CDKL5: variants seen among roughly 807,000 people sequenced by gnomAD.
CDKL5 encodes cyclin dependent kinase like 5.
A neutral mutation model predicts 61.7 loss-of-function variants in CDKL5; 8 were observed. The observed-to-expected ratio is 0.13, with a 90% CI of 0.08 to 0.23. CDKL5 has a LOEUF of 0.23. Among genes scored for constraint, CDKL5 ranks in the 10% least tolerant of loss-of-function variants. CDKL5 has a pLI of 1.00. For synonymous variants in CDKL5, 275 were observed against 272.3 expected, an observed-to-expected ratio of 1.01 and a Z score of -0.10; for missense variants, 440 against 734.5, an observed-to-expected ratio of 0.60 and a Z score of 4.63.
chrX:18,458,917 A>G (rs1932212504), intron 1 of CDKL5, among the ~76,000 whole-genome samples: 1 of 111,514 alleles, frequency 9.0e-6, no homozygotes, highest in African/African-American at 3.3e-5. Flanking sequence ...GGAGGGTTGG[A>G]AAAGCTTTGG....
chrX:18,584,125 TTAA>T (rs1361750369), intron 7 of CDKL5, 135 bp from the exon 8 acceptor site: 11 of 509,441 alleles, frequency 2.2e-5, no homozygotes, highest in African/African-American at 2.1e-4. Context: ...AAGGATATTA[TTAA>T]TAAATAGCCC....
intron 1 of CDKL5, among the ~76,000 whole-genome samples, chrX:18,437,881 G>A (rs1371752917): frequency 1.8e-5 from 2 of 111,803 alleles, no homozygotes; most frequent in Admixed American, 1.9e-4. Context: ...GATTGTGTGA[G>A]CATTCATTCA....
chrX:18,584,408 C>T, intron 8 of CDKL5, 55 bp downstream of exon 8: 1 of 799,582 alleles, frequency 1.3e-6, no homozygotes, highest in Non-Finnish European at 1.9e-6. Context: ...ATTCTATTGT[C>T]ATTTGCTTTG....
At chrX:18,525,041 G>A (rs1923380112) in intron 3 of CDKL5, among the ~76,000 whole-genome samples, 1 of 111,433 alleles carries the variant, frequency 9.0e-6, no homozygotes, top group African/African-American at 3.3e-5. Context: ...TCCCATCTCA[G>A]TCTCCTAAGT....
At chrX:18,550,583 T>TAAGA (rs1806057567) in intron 3 of CDKL5, among the ~76,000 whole-genome samples, 1 of 112,193 alleles carries the variant, frequency 8.9e-6, no homozygotes, top group Non-Finnish European at 1.9e-5. Context: ...CAAGATAGTC[T>TAAGA]TTGAGGATAT....
intron 3 of CDKL5, among the ~76,000 whole-genome samples, chrX:18,533,028 GAATT>G (rs1282212187): frequency 9.0e-6 from 1 of 111,124 alleles, no homozygotes; most frequent in African/African-American, 3.3e-5. Flanking sequence ...TTGTCTTTGA[GAATT>G]AAATATATTT....
intron 3 of CDKL5, among the ~76,000 whole-genome samples, chrX:18,548,697 T>A (rs1040059481): frequency 6.2e-5 from 7 of 112,166 alleles, no homozygotes; most frequent in African/African-American, 2.3e-4. Context: ...AGGGAGTTTC[T>A]GTGTTTCTGT....
chrX:18,652,424 T>C (rs1216722168), intron 21 of CDKL5, among the ~76,000 whole-genome samples: 1 of 112,192 alleles, frequency 8.9e-6, no homozygotes, highest in Non-Finnish European at 1.9e-5. Context: ...ATCCCAGCAC[T>C]TTGGGAGGCC....
At chrX:18,467,890 C>T (rs1179564945) in intron 1 of CDKL5, among the ~76,000 whole-genome samples, 3 of 110,889 alleles carry the variant, frequency 2.7e-5, no homozygotes, top group Non-Finnish European at 5.7e-5. Context: ...TCTTTCACTG[C>T]GGTTTACATG....
intron 21 of CDKL5, among the ~76,000 whole-genome samples, chrX:18,652,489 T>G (rs1400092123): frequency 9.0e-6 from 1 of 111,438 alleles, no homozygotes; most frequent in Non-Finnish European, 1.9e-5. Context: ...GCCAACACGG[T>G]GAAACCCCAT....
intron 3 of CDKL5, among the ~76,000 whole-genome samples, chrX:18,515,090 G>A (rs141171072): frequency 3.2e-3 from 365 of 112,586 alleles, no homozygotes; most frequent in Non-Finnish European, 5.5e-3. Flanking sequence ...GTGAGCCACC[G>A]CGCCCAGCCT....
At chrX:18,615,717 G>A (rs1219558260) in intron 15 of CDKL5, among the ~76,000 whole-genome samples, 5 of 112,132 alleles carry the variant, frequency 4.5e-5, no homozygotes, top group Admixed American at 9.5e-5. Flanking sequence ...GTGCCTGGCC[G>A]TGAATTGCTA....
intron 3 of CDKL5, among the ~76,000 whole-genome samples, chrX:18,527,686 A>G (rs1264396386): frequency 9.1e-6 from 1 of 110,039 alleles, no homozygotes; most frequent in Non-Finnish European, 1.9e-5. Context: ...TTTTGTTTTT[A>G]CTGTTGATTG....
chrX:18,437,624 T>C (rs1931637848), intron 1 of CDKL5, among the ~76,000 whole-genome samples: 1 of 112,428 alleles, frequency 8.9e-6, no homozygotes, highest in African/African-American at 3.2e-5. Context: ...GTTACTATTG[T>C]ATAGGAGCAC....
chrX:18,509,192 A>AACACACACAC lies in CDKL5; in HGVS notation c.65-1624_65-1623insACACACACAC, dbSNP rs1183838846. Reference sequence around the variant, plus strand: ...TGATGAGAGAGCGAGACTGTCTCAAAACACGCACACACACACACACACACA... The same window carrying AACACACACAC: ...TGATGAGAGAGCGAGACTGTCTCAAAACACACACACACACGCACACACACACACACACACA... On this transcript the variant is annotated intron_variant, in intron 2 of 17. Transcript: ENST00000623535. 5.3e-4 allele frequency among the ~76,000 whole-genome samples: 24 copies of AACACACACAC among 45,011 alleles called. 1 individual carries two copies. Among genetic ancestry groups the AACACACACAC allele is most frequent in the Non-Finnish European group, 8.0e-4 (20 of 24,947 alleles). The allele number at this position is 45,011 out of a possible 115,157, so 39.1% of individuals were successfully genotyped here.
At chrX:18,447,603 A>C (rs941590801) in intron 1 of CDKL5, among the ~76,000 whole-genome samples, 1 of 110,622 alleles carries the variant, frequency 9.0e-6, no homozygotes, top group East Asian at 2.9e-4. Flanking sequence ...GTTAATCACT[A>C]TCCCCTTGAA....
At chrX:18,432,628 C>T (rs1413161819) in intron 1 of CDKL5, among the ~76,000 whole-genome samples, 3 of 98,380 alleles carry the variant, frequency 3.0e-5, no homozygotes, top group Non-Finnish European at 6.2e-5. Flanking sequence ...TTTTTGAGAC[C>T]GGATCTCAAC....
intron 2 of CDKL5, among the ~76,000 whole-genome samples, chrX:18,508,186 T>A (rs1922652945): frequency 8.9e-6 from 1 of 112,590 alleles, no homozygotes; most frequent in South Asian, 3.6e-4. Flanking sequence ...GTTACAAAAA[T>A]TTCATATTTC....
Position 18,604,332 on chromosome X carries a change from A to G in CDKL5, c.1408A>G (p.Ile470Val). The G allele has an allele frequency of 1.2e-5, 14 of 1,210,050 alleles. No homozygotes were observed. The highest frequency in any genetic ancestry group is 1.6e-5 in the Non-Finnish European group (14 of 894,382). Residue 470 changes from isoleucine to valine, a missense_variant, in exon 12 of 18, where the codon ATT becomes GTT. This residue lies in a region of CDKL5 where 363 missense variants were observed against 516.3 expected (regional missense o/e 0.70). Transcript: ENST00000623535. ...TGAAAAGCAGAGTCGGCATAGCTAT[A>G]TTGACACAATTCCCCAGTCCTCTAG... ...PNEKQSRHSYIDTIPQSSRSP... is the reference protein window; with the variant it reads ...PNEKQSRHSYVDTIPQSSRSP...
Sources: allele counts gnomAD v4.1 joint callset (sites outside exome capture counted in the v4.1 genomes callset), GRCh38; gene constraint gnomAD v4.1.1; regional missense constraint gnomAD v4.1.1; transcripts MANE v1.5; gene names NCBI Gene and HGNC (gene_info 2026-07-23, HGNC 2026-07-21).